Variants in CD300C observed in about 807,000 individuals in gnomAD.
CD300C encodes CD300c molecule, also known as CMRF35-like molecule 6.
CD300C carries 11 observed loss-of-function variants against 18.4 expected under a neutral mutation model. The ratio of observed to expected loss-of-function variants is 0.60; its 90% CI spans 0.38 to 0.99. The LOEUF is 0.99. Ranked by LOEUF, CD300C falls within the 50% of genes least tolerant of loss-of-function variation. The probability of loss-of-function intolerance (pLI) is 0.01; values close to 1 mark genes in which losing one functional copy is unlikely to be tolerated. For missense variants in CD300C, 277 were observed against 287.4 expected (o/e 0.96, Z 0.26); for synonymous variants, 116 against 116.3 (o/e 1.00, Z 0.02).
In CD300C at chr17:74,544,672, C is replaced by G. The variant is rs1234023399; in HGVS notation, c.337G>C (p.Asp113His). The change falls in exon 2 of 4, where the codon GAT (aspartate) becomes CAT (histidine). Residue 113 changes from aspartate to histidine, a missense_variant. By Grantham distance (81) the Asp-to-His change is moderately conservative (BLOSUM62 -1). Coordinates refer to ENST00000330793, the MANE Select transcript of CD300C (RefSeq NM_006678.5). The part of the protein sequence containing the change: ...EDAGTYWCGV[D>H]TPWLRDFHDP... ...TGAAAGTCTCGGAGCCACGGTGTAT[C>G]CACCCCACACCAGTAGGTGCCTGCG... 1.2e-6 allele frequency: 2 copies of G among 1,614,220 alleles called. No homozygotes were observed.
rs762143942 is a variant in CD300C, at chr17:74,544,904, C to A, written c.105G>T (p.Val35=). The change falls in exon 2 of 4, where the codon GTG becomes GTT. Residue 35 remains valine, a synonymous_variant. Transcript: ENST00000330793. ...LSHPMTVAGP[V]GGSLSVQCRY... is the part of the protein sequence containing the mutation. Reference sequence around the variant, plus strand: ...GACACTGCACACTCAGGGATCCCCCCACGGGGCCCGCCACGGTCATGGGGT... The same window carrying A: ...GACACTGCACACTCAGGGATCCCCCAACGGGGCCCGCCACGGTCATGGGGT... 1.6e-5 allele frequency: 26 copies of A among 1,613,390 alleles called. No individual in the cohort carries two copies. The highest frequency in any genetic ancestry group is 3.3e-5 in the Admixed American group (2 of 60,004).
chr17:74,544,948 C>G lies in CD300C; in HGVS notation c.62-1G>C. Reference sequence around the variant, plus strand: ...ATGGGGTGGCTCAGAGGAAAATAGCCTGAAAAATACAAGCCAAAATCCTGT... The same window carrying G: ...ATGGGGTGGCTCAGAGGAAAATAGCGTGAAAAATACAAGCCAAAATCCTGT... On this transcript the variant is annotated splice_acceptor_variant, in intron 1 of 3. Transcript: ENST00000330793. LOFTEE classifies it high-confidence loss of function. The G allele has an allele frequency of 6.2e-7, 1 of 1,603,062 alleles. No individual in the cohort carries two copies. The highest frequency in any genetic ancestry group is 8.5e-7 in the Non-Finnish European group (1 of 1,173,522).
chr17:74,544,387 AAC>A (rs1196458386), intron 2 of CD300C, among the ~76,000 whole-genome samples: 2 of 151,452 alleles, frequency 1.3e-5, no homozygotes, highest in African/African-American at 4.9e-5. Context: ...CCACCCTCCC[AAC>A]ACACACATGC....
intron 3 of CD300C, among the ~76,000 whole-genome samples, chr17:74,542,058 A>G (rs1013178556): frequency 2.6e-5 from 4 of 152,160 alleles, no homozygotes; most frequent in African/African-American, 9.7e-5. Context: ...GGGGTCCCGG[A>G]ATTCACAAAG....
chr17:74,537,498 A>C (rs1217772513), downstream of CD300C, among the ~76,000 whole-genome samples: 2 of 151,976 alleles, frequency 1.3e-5, no homozygotes, highest in African/African-American at 4.8e-5. Flanking sequence ...ACATGGTGGC[A>C]CATGCCTGTA....
downstream of CD300C, among the ~76,000 whole-genome samples, chr17:74,540,417 C>A (rs1053964759): frequency 6.6e-6 from 1 of 152,142 alleles, no homozygotes; most frequent in Non-Finnish European, 1.5e-5. Context: ...TTCTATCCCC[C>A]ACCTGGAATA....
Position 74,541,595 on chromosome 17 carries a change from G to T in CD300C, c.669C>A (p.Asn223Lys), listed in dbSNP as rs752034968. Residue 223 changes from asparagine (N) to lysine (K), a missense_variant, in exon 4 of 4, where the codon AAC becomes AAA. Coordinates refer to ENST00000330793, the MANE Select transcript of CD300C (RefSeq NM_006678.5). ...CCTTGATGGACAGCAGATGCTACTG[G>T]TTCTCACCCTTGGGCCAATTCTGCC... The part of the protein sequence containing the change: ...RSRQNWPKGE[N>K]Q The T allele has an allele frequency of 6.2e-7, 1 of 1,612,034 alleles. No homozygotes were observed. Among genetic ancestry groups the T allele is most frequent in the Admixed American group, 1.7e-5 (1 of 60,028 alleles).
downstream of CD300C, among the ~76,000 whole-genome samples, chr17:74,537,216 A>G (rs762366032): frequency 2.6e-5 from 4 of 152,144 alleles, no homozygotes; most frequent in Admixed American, 1.3e-4. Flanking sequence ...CAAAAAAGAG[A>G]AAGAAAAGAA....
Position 74,544,639 on chromosome 17 carries a change from T to A in CD300C, c.370A>T (p.Ile124Phe). Reference sequence around the variant, plus strand: ...AACACGGACACCTCAACCTCGACAATGGGATCATGAAAGTCTCGGAGCCAC... The same window carrying A: ...AACACGGACACCTCAACCTCGACAAAGGGATCATGAAAGTCTCGGAGCCAC... ...TPWLRDFHDP[I>F]VEVEVSVFPA... The change falls in exon 2 of 4, where the codon ATT becomes TTT. Residue 124 changes from isoleucine (I) to phenylalanine (F), a missense_variant. Transcript: ENST00000330793. 4.3e-6 allele frequency: 7 copies of A among 1,613,000 alleles called. No homozygotes were observed. Among genetic ancestry groups the A allele is most frequent in the Non-Finnish European group, 5.1e-6 (6 of 1,179,082 alleles).
chr17:74,545,707 G>T lies in CD300C; in HGVS notation c.61+15C>A. The T allele has an allele frequency of 6.2e-7, 1 of 1,601,044 alleles. No homozygotes were observed. Among genetic ancestry groups the T allele is most frequent in the East Asian group, 2.2e-5 (1 of 44,580 alleles). On this transcript the variant is annotated intron_variant, in intron 1 of 3. Coordinates refer to ENST00000330793, the MANE Select transcript of CD300C (RefSeq NM_006678.5). ...TCAGGACAGAGCTCCCCAAGTCCAG[G>T]GTCGGCCCACTCACCTGGGACAAGC...
At chr17:74,543,938 G>C (rs1452741210) in intron 2 of CD300C, among the ~76,000 whole-genome samples, 2 of 152,096 alleles carry the variant, frequency 1.3e-5, no homozygotes, top group Non-Finnish European at 2.9e-5. Context: ...GAGAATAAGG[G>C]GGACACACAG....
chr17:74,544,613 G>C lies in CD300C; in HGVS notation c.396C>G (p.Phe132Leu). Residue 132 changes from phenylalanine to leucine, a missense_variant, in exon 2 of 4, where the codon TTC (phenylalanine) becomes TTG (leucine). Transcript: ENST00000330793. ...DPIVEVEVSV[F>L]PAGTTTASSP... Reference sequence around the variant, plus strand: ...CTGAGAAAAGGAGGGGCTCACCCGGGAACACGGACACCTCAACCTCGACAA... The same window carrying C: ...CTGAGAAAAGGAGGGGCTCACCCGGCAACACGGACACCTCAACCTCGACAA... The C allele has an allele frequency of 1.2e-6, 2 of 1,608,810 alleles. No homozygotes were observed. The highest frequency in any genetic ancestry group is 2.2e-5 in the South Asian group (2 of 90,850).
downstream of CD300C, among the ~76,000 whole-genome samples, chr17:74,536,275 C>T (rs1023146037): frequency 6.6e-6 from 1 of 152,098 alleles, no homozygotes; most frequent in Admixed American, 6.5e-5. Flanking sequence ...GCACCAGTAA[C>T]TAACAAAAGA....
chr17:74,540,638 C>T (rs940938229), downstream of CD300C, among the ~76,000 whole-genome samples: 9 of 152,144 alleles, frequency 5.9e-5, no homozygotes, highest in African/African-American at 1.9e-4. Context: ...GTCATCATGG[C>T]GACCCTGGAA....
chr17:74,542,962 G>C lies in CD300C; in HGVS notation c.426C>G (p.Pro142=). The stretch of plus-strand genomic sequence containing the variant: ...GACCTGAGGTGCCCATGGAGCTCTG[G>C]GGGCTGGAGGCTGTGGTCGTCCCGG... ...FPAGTTTASS[P]QSSMGTSGPP... Residue 142 remains proline, a synonymous_variant, in exon 3 of 4, where the codon CCC becomes CCG. Coordinates refer to ENST00000330793, the MANE Select transcript of CD300C (RefSeq NM_006678.5). 6.2e-7 allele frequency: 1 copy of C among 1,613,692 alleles called. No individual in the cohort carries two copies. Among genetic ancestry groups the C allele is most frequent in the South Asian group, 1.1e-5 (1 of 91,080 alleles).
chr17:74,539,190 C>T (rs990334946), downstream of CD300C, among the ~76,000 whole-genome samples: 5 of 152,114 alleles, frequency 3.3e-5, no homozygotes, highest in African/African-American at 9.7e-5. Context: ...CACCAGAGGC[C>T]GAGCGGAGAG....
Position 74,541,678 on chromosome 17 carries a change from G to A in CD300C, c.586C>T (p.Leu196=). The change falls in exon 4 of 4, where the codon CTG becomes TTG. Residue 196 remains leucine (L), a synonymous_variant. Transcript: ENST00000330793. The stretch of plus-strand genomic sequence containing the variant: ...CAGAGGACGGCACCCAGCATGCTCA[G>A]GAGCAGGGGCAGCTCCAAGAGGACC... The part of the protein sequence containing the change: ...LLVLLELPLL[L]SMLGAVLWVN... 6.2e-7 allele frequency: 1 copy of A among 1,613,944 alleles called. No individual in the cohort carries two copies. The highest frequency in any genetic ancestry group is 8.5e-7 in the Non-Finnish European group (1 of 1,179,830).
At chr17:74,543,068 C>T (rs559353838) in intron 2 of CD300C, 81 bp from the exon 3 acceptor site, 56 of 1,561,252 alleles carry the variant, frequency 3.6e-5, no homozygotes, top group Admixed American at 2.4e-4. Flanking sequence ...CCAATTTTCA[C>T]AGACAAGGTC....
At position 74,541,729 on chromosome 17, in the gene CD300C, A is replaced by T. The variant is rs764813539; in HGVS notation, c.535T>A (p.Phe179Ile). 69 of 1,613,236 alleles carry T rather than the reference A, an allele frequency of 4.3e-5. No homozygotes were observed. The highest frequency in any genetic ancestry group is 3.3e-4 in the Middle Eastern group (2 of 6,082). Residue 179 changes from phenylalanine (F) to isoleucine (I), a missense_variant, in exon 4 of 4, where the codon TTC (phenylalanine) becomes ATC (isoleucine). By Grantham distance (21) the Phe-to-Ile change is conservative. Coordinates refer to ENST00000330793, the MANE Select transcript of CD300C (RefSeq NM_006678.5). ...PEPSPHPGSLFSNVRFLLLVL... is the reference protein window; with the variant it reads ...PEPSPHPGSLISNVRFLLLVL... ...AGGAGCAGGAAGCGGACATTGCTGAACAGGGAGCTGTGGGGACACGGTGAC... is the reference window on the plus strand; with the variant it reads ...AGGAGCAGGAAGCGGACATTGCTGATCAGGGAGCTGTGGGGACACGGTGAC...
Sources: allele counts gnomAD v4.1 joint callset (sites outside exome capture counted in the v4.1 genomes callset), GRCh38; gene constraint gnomAD v4.1.1; transcripts MANE v1.5; gene names NCBI Gene and HGNC (gene_info 2026-07-23, HGNC 2026-07-21).